ZNF136: variants seen among roughly 807,000 people sequenced by gnomAD.
The protein encoded by ZNF136 is zinc finger protein 136 (clone pHZ-20).
In ZNF136, 8 loss-of-function variants were observed where a neutral mutation model predicts 11.4. That is an observed-to-expected ratio of 0.70 (90% CI 0.41 to 1.27). The LOEUF is 1.27. Ranked by LOEUF, ZNF136 falls within the 50% of genes most tolerant of loss-of-function variation. The pLI, the probability that ZNF136 is intolerant of heterozygous loss-of-function variation, is 0.01. For synonymous variants in ZNF136, 190 were observed against 207.1 expected, an observed-to-expected ratio of 0.92 and a Z score of 0.71; for missense variants, 590 against 656.5, an observed-to-expected ratio of 0.90 and a Z score of 1.11.
At chr19:12,175,798 C>CTATT (rs1394267691) in intron 1 of ZNF136, among the ~76,000 whole-genome samples, 15 of 152,158 alleles carry the variant, frequency 9.9e-5, no homozygotes, top group African/African-American at 3.4e-4. Flanking sequence ...TCTCATCCAC[C>CTATT]TATTTATCCC....
chr19:12,177,730 G>A (rs558176402), intron 1 of ZNF136, among the ~76,000 whole-genome samples: 8 of 152,286 alleles, frequency 5.3e-5, no homozygotes, highest in Non-Finnish European at 1.2e-4. Flanking sequence ...CTAATGATTT[G>A]AGATGTTAAA....
rs917788005 is a variant in ZNF136, at chr19:12,188,773, CAT to C, written c.*774_*775del. On this transcript the variant is annotated 3_prime_UTR_variant, in exon 4 of 4. Coordinates refer to ENST00000343979, the MANE Select transcript of ZNF136 (RefSeq NM_003437.5). ...AGGAGTTTGAGACCAGTGTGCAAAA[CAT>C]AGCAAGACCTCATCTCAGAAAAAAA... 6.7e-6 allele frequency: 1 copy of C among 149,652 alleles called. No homozygotes were observed. Among genetic ancestry groups the C allele is most frequent in the Admixed American group, 6.7e-5 (1 of 14,970 alleles). The allele number at this position is 149,652 out of a possible 1,614,324, so 9.3% of individuals were successfully genotyped here.
intron 1 of ZNF136, among the ~76,000 whole-genome samples, chr19:12,179,768 C>T (rs998162662): frequency 3.9e-5 from 6 of 152,082 alleles, no homozygotes; most frequent in Admixed American, 2.6e-4. Flanking sequence ...GATGGAGTGG[C>T]GCTAAGTTTA....
Position 12,187,369 on chromosome 19 carries a change from A to G in ZNF136, c.991A>G (p.Thr331Ala). ...PSLRLHERIH[T>A]GEKPFVCKQC... ...CCTTCGACTACATGAAAGAATTCACACTGGTGAGAAACCCTTCGTATGTAA... is the reference window on the plus strand; with the variant it reads ...CCTTCGACTACATGAAAGAATTCACGCTGGTGAGAAACCCTTCGTATGTAA... Residue 331 changes from threonine to alanine, a missense_variant, in exon 4 of 4, where the codon ACT (threonine) becomes GCT (alanine). Thr to Ala is a moderately conservative substitution (Grantham distance 58, BLOSUM62 0). Transcript: ENST00000343979. 1.9e-6 allele frequency: 3 copies of G among 1,614,114 alleles called. No homozygotes were observed. Among genetic ancestry groups the G allele is most frequent in the South Asian group, 1.1e-5 (1 of 91,082 alleles).
chr19:12,188,054 T>C lies in ZNF136; in HGVS notation c.*53T>C, dbSNP rs985023307. Reference sequence around the variant, plus strand: ...AAATACTCACTGAAGAGAAGCCCTATGAATGTAAGTAACGTGGGAAAGCAT... The same window carrying C: ...AAATACTCACTGAAGAGAAGCCCTACGAATGTAAGTAACGTGGGAAAGCAT... On this transcript the variant is annotated 3_prime_UTR_variant, in exon 4 of 4. Coordinates refer to ENST00000343979, the MANE Select transcript of ZNF136 (RefSeq NM_003437.5). 3 of 1,410,146 alleles carry C rather than the reference T, an allele frequency of 2.1e-6. No homozygotes were observed. The African/African-American group carries it at 4.3e-5, about 20-fold the overall frequency. The allele number at this position is 1,410,146 out of a possible 1,614,324, so 87.4% of individuals were successfully genotyped here. A position where few individuals can be genotyped will look rare whatever the true frequency, so the allele number is the denominator to read the frequency against.
chr19:12,183,269 T>C (rs954183661), intron 1 of ZNF136, among the ~76,000 whole-genome samples: 7 of 151,936 alleles, frequency 4.6e-5, no homozygotes, highest in African/African-American at 1.7e-4. Flanking sequence ...CTCAGCCTCC[T>C]GAGCAGCTAG....
At position 12,180,086 on chromosome 19, in the gene ZNF136, TTGATCTCCTGACCTCG is replaced by T. The variant is rs1319791217; in HGVS notation, c.4-5692_4-5677del. 2.0e-5 allele frequency among the ~76,000 whole-genome samples: 3 copies of T among 152,094 alleles called. No homozygotes were observed. The East Asian group carries it at 5.8e-4, about 29-fold the overall frequency. On this transcript the variant is annotated intron_variant, in intron 1 of 3. Coordinates refer to ENST00000343979, the MANE Select transcript of ZNF136 (RefSeq NM_003437.5). The stretch of plus-strand genomic sequence containing the variant: ...TTTCACCATGTTAGCCAGGATGGTC[TTGATCTCCTGACCTCG>T]TGATCTGCCTGCCTCGGTCTCCCAA...
chr19:12,167,840 A>G (rs1204536950), intron 1 of ZNF136, among the ~76,000 whole-genome samples: 1 of 152,200 alleles, frequency 6.6e-6, no homozygotes, highest in Non-Finnish European at 1.5e-5. Context: ...TGTGAAAGCA[A>G]AGCCAAACTG....
rs1469302229 is a variant in ZNF136, at chr19:12,186,171, T to C, written c.188T>C (p.Leu63Pro). The change falls in exon 3 of 4, where the codon CTA becomes CCA. Residue 63 changes from leucine (L) to proline (P), a missense_variant. Transcript: ENST00000343979. Reference sequence around the variant, plus strand: ...CACTACAAACACCGAGGGAGAAATCTAAGGTAATTTGTACTCAGAGAAAGC... The same window carrying C: ...CACTACAAACACCGAGGGAGAAATCCAAGGTAATTTGTACTCAGAGAAAGC... The part of the protein sequence containing the change: ...KDHYKHRGRN[L>P]RSHMLERLYQ... The C allele has an allele frequency of 2.5e-6, 4 of 1,608,898 alleles. No individual in the cohort carries two copies. The South Asian group carries it at 4.5e-5, about 18-fold the overall frequency.
chr19:12,169,804 AT>A, intron 1 of ZNF136, among the ~76,000 whole-genome samples: 2 of 134,858 alleles, frequency 1.5e-5, no homozygotes, highest in African/African-American at 2.8e-5. Flanking sequence ...TTTTATTTTT[AT>A]TTTTTTTGAG....
At chr19:12,180,184 A>G (rs914309140) in intron 1 of ZNF136, among the ~76,000 whole-genome samples, 1 of 152,216 alleles carries the variant, frequency 6.6e-6, no homozygotes, top group African/African-American at 2.4e-5. Flanking sequence ...ATAATTTTTA[A>G]AAGTCTCCCT....
intron 2 of ZNF136, 64 bp downstream of exon 2, chr19:12,185,975 T>G: frequency 6.2e-6 from 10 of 1,607,786 alleles, no homozygotes; most frequent in Non-Finnish European, 8.5e-6. Context: ...GCAGTGATGC[T>G]GTTCCATGGT....
chr19:12,166,073 C>G (rs979126028), intron 1 of ZNF136, among the ~76,000 whole-genome samples: 2 of 152,018 alleles, frequency 1.3e-5, no homozygotes, highest in Admixed American at 6.6e-5. Flanking sequence ...GCTAAAAATA[C>G]AAAAATTAGC....
intron 1 of ZNF136, chr19:12,184,813 A>G (rs893330220): frequency 6.6e-6 from 1 of 152,140 alleles, no homozygotes; most frequent in African/African-American, 2.4e-5. Flanking sequence ...GGGACGCCAG[A>G]AATTTTCATA....
Position 12,185,800 on chromosome 19 carries a change from G to C in ZNF136, c.19G>C (p.Glu7Gln), listed in dbSNP as rs1256472126. ...GATGTTTCAGGACTCGGTGGCTTTT[G>C]AGGATGTAGATGTGAACTTCACCCA... is the stretch of plus-strand genomic sequence containing the variant. Reference protein sequence around the residue: MDSVAFEDVDVNFTQEE... With the variant: MDSVAFQDVDVNFTQEE... The change falls in exon 2 of 4, where the codon GAG becomes CAG. Residue 7 changes from glutamate to glutamine, a missense_variant. Transcript: ENST00000343979. 1.2e-6 allele frequency: 2 copies of C among 1,613,616 alleles called. No homozygotes were observed. The highest frequency in any genetic ancestry group is 2.2e-5 in the East Asian group (1 of 44,886).
chr19:12,186,520 A>G (rs1480187039), intron 3 of ZNF136, 50 bp from the exon 4 acceptor site: 1 of 1,413,872 alleles, frequency 7.1e-7, no homozygotes, highest in South Asian at 1.4e-5. Context: ...ATAGCTATTA[A>G]TATAAAATGA....
At chr19:12,176,119 G>A (rs1050753890) in intron 1 of ZNF136, among the ~76,000 whole-genome samples, 44 of 152,122 alleles carry the variant, frequency 2.9e-4, no homozygotes, top group African/African-American at 1.1e-3. Context: ...TATGAATAAC[G>A]CTGCTATAAA....
At chr19:12,175,409 C>G (rs1914766341) in intron 1 of ZNF136, among the ~76,000 whole-genome samples, 1 of 152,000 alleles carries the variant, frequency 6.6e-6, no homozygotes, top group South Asian at 2.1e-4. Context: ...TGGCCAGGCT[C>G]GTCTCAAACT....
intron 1 of ZNF136, among the ~76,000 whole-genome samples, chr19:12,164,439 CTTTTT>C (rs61233117): frequency 1.6e-5 from 2 of 122,854 alleles, no homozygotes; most frequent in African/African-American, 6.4e-5. Context: ...TCCCAGATAA[CTTTTT>C]TTTTTTTTTT....
Sources: allele counts gnomAD v4.1 joint callset (sites outside exome capture counted in the v4.1 genomes callset), GRCh38; gene constraint gnomAD v4.1.1; transcripts MANE v1.5; gene names NCBI Gene and HGNC (gene_info 2026-07-23, HGNC 2026-07-21).